Variants in MTMR8 observed in about 807,000 individuals in gnomAD.
MTMR8 encodes phosphatidylinositol-3,5-bisphosphate 3-phosphatase MTMR8.
In MTMR8, 65 loss-of-function variants were observed where a neutral mutation model predicts 39.3. That is an observed-to-expected ratio of 1.65 (90% confidence interval 1.35 to 2.03). The LOEUF (loss-of-function observed/expected upper bound fraction) is 2.03. Among genes scored for constraint, MTMR8 ranks in the 30% most tolerant of loss-of-function variants. The probability of loss-of-function intolerance (pLI) is 0.00; values close to 1 mark genes in which losing one functional copy is unlikely to be tolerated. For synonymous variants in MTMR8, 245 were observed against 185.2 expected (o/e 1.32, Z -2.62); for missense variants, 777 against 538.9 (o/e 1.44, Z -4.37).
At chrX:64,281,680 CA>C (rs1174145391) in intron 12 of MTMR8, among the ~76,000 whole-genome samples, 1 of 111,385 alleles carries the variant, frequency 9.0e-6, no homozygotes, top group African/African-American at 3.3e-5. Context: ...GCAGTTGCAA[CA>C]AAAGCTAAAA....
chrX:64,324,309 C>T lies in MTMR8; in HGVS notation c.1481+4463G>A, dbSNP rs566729246. On this transcript the variant is annotated intron_variant, in intron 12 of 13. Transcript: ENST00000374852. ...CTCAGGAGTTTGAGGCTACAATGAG[C>T]TATGATTGCATTACTGTACTGCAGC... Among the ~76,000 whole-genome samples, 12 of 111,796 alleles carry T rather than the reference C, an allele frequency of 1.1e-4. 1 individual carries two copies. The South Asian group carries it at 4.5e-3, about 42-fold the overall frequency.
chrX:64,276,857 G>A (rs1352362825), intron 12 of MTMR8, among the ~76,000 whole-genome samples: 2 of 111,509 alleles, frequency 1.8e-5, no homozygotes, highest in Middle Eastern at 4.6e-3. Flanking sequence ...GGGTATTAAA[G>A]TCTCCTACTA....
intron 1 of MTMR8, among the ~76,000 whole-genome samples, chrX:64,372,612 C>T (rs1473591647): frequency 8.9e-6 from 1 of 111,769 alleles, no homozygotes; most frequent in Non-Finnish European, 1.9e-5. Context: ...ATTCACCCAG[C>T]ATAATTCTCT....
At chrX:64,271,647 T>G (rs1931764823) in intron 12 of MTMR8, among the ~76,000 whole-genome samples, 1 of 112,573 alleles carries the variant, frequency 8.9e-6, no homozygotes, top group Non-Finnish European at 1.9e-5. Flanking sequence ...CATTCCCAGC[T>G]TCTATCTCAG....
chrX:64,327,933 A>G (rs1395594016), intron 12 of MTMR8, among the ~76,000 whole-genome samples: 2 of 112,524 alleles, frequency 1.8e-5, no homozygotes, highest in African/African-American at 6.5e-5. Flanking sequence ...CAGCCACACA[A>G]AGGCAAATAC....
chrX:64,301,849 C>A (rs760923552), intron 12 of MTMR8, among the ~76,000 whole-genome samples: 6 of 111,981 alleles, frequency 5.4e-5, no homozygotes, highest in Middle Eastern at 4.6e-3. Context: ...TGTGCCCCTG[C>A]TGGGTGGTGC....
intron 12 of MTMR8, among the ~76,000 whole-genome samples, chrX:64,273,933 A>G (rs1012595779): frequency 2.0e-4 from 22 of 112,011 alleles, no homozygotes; most frequent in Non-Finnish European, 3.6e-4. Context: ...ATATGCATTC[A>G]ACATCAAAAT....
Position 64,395,349 on chromosome X carries a change from C to T in MTMR8, c.15G>A (p.Thr5=), listed in dbSNP as rs767419080. 5.8e-6 allele frequency: 7 copies of T among 1,210,504 alleles called. No homozygotes were observed. In the Admixed American group the frequency reaches 6.5e-5, roughly 11 times the overall value. MDHI[T]VPKVENVKLV... is the part of the protein sequence containing the mutation. The stretch of plus-strand genomic sequence containing the variant: ...TAACTCTTCTCCTTACCTTGGGTAC[C>T]GTAATATGATCCATGACTGCAGTTC... The change falls in exon 1 of 14, where the codon ACG becomes ACA. Residue 5 remains threonine, a synonymous_variant. Coordinates refer to ENST00000374852, the MANE Select transcript of MTMR8 (RefSeq NM_017677.4).
intron 12 of MTMR8, among the ~76,000 whole-genome samples, chrX:64,276,972 T>C (rs1931884107): frequency 8.9e-6 from 1 of 112,274 alleles, no homozygotes; most frequent in Admixed American, 9.4e-5. Flanking sequence ...AGTTAACTCT[T>C]CTTGTTGCAT....
intron 12 of MTMR8, among the ~76,000 whole-genome samples, chrX:64,297,255 T>G (rs1460327958): frequency 8.6e-5 from 9 of 105,235 alleles, no homozygotes; most frequent in Non-Finnish European, 1.4e-4. Flanking sequence ...GTTTCCTGAC[T>G]TTTTAATGAT....
At chrX:64,324,832 A>G (rs950051902) in intron 12 of MTMR8, among the ~76,000 whole-genome samples, 3 of 104,228 alleles carry the variant, frequency 2.9e-5, no homozygotes, top group Non-Finnish European at 6.1e-5. Flanking sequence ...AAAAAAAAAA[A>G]AAAAAAGAGA....
At chrX:64,272,946 T>A (rs747360996) in intron 12 of MTMR8, among the ~76,000 whole-genome samples, 122 of 111,653 alleles carry the variant, frequency 1.1e-3, no homozygotes, top group Non-Finnish European at 8.9e-4. Flanking sequence ...AAAACTGTTC[T>A]TCAAAAACGA....
At chrX:64,388,543 G>A (rs1210604946) in intron 1 of MTMR8, among the ~76,000 whole-genome samples, 1 of 112,299 alleles carries the variant, frequency 8.9e-6, no homozygotes, top group Non-Finnish European at 1.9e-5. Context: ...ACTTCTCCAT[G>A]TGCCTCCAAC....
intron 2 of MTMR8, among the ~76,000 whole-genome samples, chrX:64,358,908 T>C (rs1401661725): frequency 9.2e-6 from 1 of 108,427 alleles, no homozygotes; most frequent in African/African-American, 3.4e-5. Context: ...AAATCCTGTC[T>C]TAGGACAGAG....
intron 1 of MTMR8, among the ~76,000 whole-genome samples, chrX:64,394,282 GA>G (rs1924766610): frequency 8.9e-6 from 1 of 111,945 alleles, no homozygotes; most frequent in Admixed American, 9.5e-5. Context: ...GAAGCTACAA[GA>G]GGAGATTTGG....
intron 12 of MTMR8, among the ~76,000 whole-genome samples, chrX:64,284,249 T>C (rs779648565): frequency 6.3e-5 from 7 of 111,302 alleles, no homozygotes; most frequent in South Asian, 3.8e-4. Flanking sequence ...ATGAATGAAA[T>C]GAAGTGAGAA....
chrX:64,295,899 G>A (rs1422211579), intron 12 of MTMR8, among the ~76,000 whole-genome samples: 8 of 111,772 alleles, frequency 7.2e-5, no homozygotes, highest in Admixed American at 3.8e-4. Flanking sequence ...AAACAACTTC[G>A]AAGTCGTTTA....
Position 64,395,350 on chromosome X carries a change from G to A in MTMR8, c.14C>T (p.Thr5Met), listed in dbSNP as rs768461405. The A allele has an allele frequency of 4.1e-6, 5 of 1,210,196 alleles. No individual in the cohort carries two copies. The highest frequency in any genetic ancestry group is 2.2e-5 in the Admixed American group (1 of 46,026). ...AACTCTTCTCCTTACCTTGGGTACC[G>A]TAATATGATCCATGACTGCAGTTCC... is the stretch of plus-strand genomic sequence containing the variant. MDHI[T>M]VPKVENVKLV... The change falls in exon 1 of 14, where the codon ACG becomes ATG. Residue 5 changes from threonine (T) to methionine (M), a missense_variant. Thr to Met is a moderately conservative substitution (Grantham distance 81). Transcript: ENST00000374852.
At chrX:64,354,960 A>G (rs1012082460) in intron 3 of MTMR8, 26 bp from the exon 4 acceptor site, 1 of 1,131,321 alleles carries the variant, frequency 8.8e-7, no homozygotes, top group East Asian at 3.1e-5. Context: ...AGGCATGGAA[A>G]ACAAAATGAT....
Sources: allele counts gnomAD v4.1 joint callset (sites outside exome capture counted in the v4.1 genomes callset), GRCh38; gene constraint gnomAD v4.1.1; transcripts MANE v1.5; gene names NCBI Gene and HGNC (gene_info 2026-07-23, HGNC 2026-07-21).